The following UNC13C variants were observed in gnomAD, a reference collection of about 807,000 sequenced individuals.
UNC13C encodes the protein unc-13 homolog C, also known as protein unc-13 homolog C.
Under a neutral mutation model 245.4 loss-of-function variants are expected in UNC13C, and 174 were observed. The ratio of observed to expected loss-of-function variants is 0.71; its 90% CI spans 0.63 to 0.80. The LOEUF is 0.80. UNC13C is among the 30% of genes least tolerant of loss of function. The pLI is 0.00. For synonymous variants in UNC13C, 992 were observed against 895.1 expected (o/e 1.11, Z -1.93); for missense variants, 2,829 against 2,602.9 (o/e 1.09, Z -1.89).
the UNC13C span, among the ~76,000 whole-genome samples, chr15:53,846,201 G>T: frequency 6.6e-6 from 1 of 152,102 alleles, no homozygotes; most frequent in African/African-American, 2.4e-5. Context: ...ATTTATTGAG[G>T]CATAACCCCA....
chr15:54,592,781 C>G (rs1898864910), intron 30 of UNC13C, among the ~76,000 whole-genome samples: 1 of 151,092 alleles, frequency 6.6e-6, no homozygotes, highest in Admixed American at 6.6e-5. Flanking sequence ...GCATTTAGGC[C>G]ATTTACATTT....
chr15:54,359,454 G>A (rs948559319), intron 17 of UNC13C, among the ~76,000 whole-genome samples: 9 of 151,878 alleles, frequency 5.9e-5, no homozygotes, highest in African/African-American at 1.2e-4. Context: ...TTTATTAGCC[G>A]TGAAGCCATC....
intron 19 of UNC13C, among the ~76,000 whole-genome samples, chr15:54,487,348 T>C (rs1183299393): frequency 1.3e-5 from 2 of 152,220 alleles, no homozygotes; most frequent in Non-Finnish European, 2.9e-5. Flanking sequence ...TTGCTTTTTT[T>C]CCTGGTATTT....
chr15:53,900,437 C>T, the UNC13C span, among the ~76,000 whole-genome samples: 1 of 152,126 alleles, frequency 6.6e-6, no homozygotes, highest in Non-Finnish European at 1.5e-5. Flanking sequence ...TTTCTTTTAG[C>T]TTTACTAGCC....
Position 54,342,052 on chromosome 15 carries a change from G to A in UNC13C, c.4713+3563G>A, listed in dbSNP as rs117727695. 4.1e-3 allele frequency among the ~76,000 whole-genome samples: 617 copies of A among 152,068 alleles called. 27 individuals are homozygous for A. The East Asian group carries it at 0.088, about 22-fold the overall frequency. On this transcript the variant is annotated intron_variant, in intron 17 of 32. Coordinates refer to ENST00000260323, the MANE Select transcript of UNC13C (RefSeq NM_001080534.3). ...ACTCCTTTTTTGTCCATTGGAGATGGACACTATTCTAATATTGGTGTGTTT... is the reference window on the plus strand; with the variant it reads ...ACTCCTTTTTTGTCCATTGGAGATGAACACTATTCTAATATTGGTGTGTTT...
chr15:54,282,379 T>C (rs753261765), intron 10 of UNC13C, among the ~76,000 whole-genome samples: 9 of 152,150 alleles, frequency 5.9e-5, no homozygotes, highest in Non-Finnish European at 1.2e-4. Context: ...CCTCTCTACT[T>C]GTCCCACTGC....
intron 23 of UNC13C, 101 bp downstream of exon 23, chr15:54,507,295 TAGGA>T (rs1894517198): frequency 1.4e-5 from 11 of 771,196 alleles, no homozygotes; most frequent in Non-Finnish European, 2.3e-5. Context: ...AGTTTTCACA[TAGGA>T]TAATAAGAAA....
At chr15:53,987,751 C>A (rs1236188776) in intron 1 of UNC13C, among the ~76,000 whole-genome samples, 1 of 152,046 alleles carries the variant, frequency 6.6e-6, no homozygotes, top group Non-Finnish European at 1.5e-5. Flanking sequence ...AATCCCAGTG[C>A]ACTGATGTGA....
chr15:53,956,875 A>AGTGTGT, the UNC13C span, among the ~76,000 whole-genome samples: 1,169 of 139,786 alleles, frequency 8.4e-3, 11 homozygotes, highest in South Asian at 0.029. Flanking sequence ...GTTAAGCTCA[A>AGTGTGT]GTGTGTGTGT....
the UNC13C span, among the ~76,000 whole-genome samples, chr15:53,921,995 A>G: frequency 2.0e-5 from 3 of 152,230 alleles, no homozygotes; most frequent in Admixed American, 6.5e-5. Flanking sequence ...TTTCAAAAGT[A>G]TAATATATTG....
intron 30 of UNC13C, among the ~76,000 whole-genome samples, chr15:54,612,389 A>G (rs1851005): frequency 0.78 from 117,738 of 151,918 alleles, 46,455 homozygotes; most frequent in African/African-American, 0.94. Context: ...TTATTTATTT[A>G]TATGACTTCT....
chr15:54,544,518 C>T (rs1160933223), intron 26 of UNC13C, among the ~76,000 whole-genome samples: 1 of 152,210 alleles, frequency 6.6e-6, no homozygotes, highest in South Asian at 2.1e-4. Flanking sequence ...TCTCTGTTTG[C>T]AGATGACATG....
At chr15:54,535,814 A>G (rs1383386020) in intron 26 of UNC13C, among the ~76,000 whole-genome samples, 1 of 152,198 alleles carries the variant, frequency 6.6e-6, no homozygotes, top group East Asian at 1.9e-4. Flanking sequence ...AAGGTATAAC[A>G]TACCAGAATC....
chr15:54,315,389 C>T (rs1316698725), intron 13 of UNC13C, among the ~76,000 whole-genome samples: 1 of 151,486 alleles, frequency 6.6e-6, no homozygotes, highest in Non-Finnish European at 1.5e-5. Context: ...ACTCTTACTG[C>T]ACTTAACAGT....
intron 4 of UNC13C, among the ~76,000 whole-genome samples, chr15:54,203,814 A>C (rs1049573501): frequency 6.9e-6 from 1 of 144,132 alleles, no homozygotes; most frequent in Non-Finnish European, 1.5e-5. Context: ...ATGTCTGTGT[A>C]TATATACGTG....
intron 19 of UNC13C, among the ~76,000 whole-genome samples, chr15:54,477,156 T>C (rs1298852901): frequency 1.7e-5 from 2 of 116,240 alleles, no homozygotes; most frequent in Non-Finnish European, 3.6e-5. Flanking sequence ...GTACATTGAT[T>C]TTGTATCCTG....
intron 2 of UNC13C, among the ~76,000 whole-genome samples, chr15:54,139,203 C>T (rs560530655): frequency 6.6e-6 from 1 of 151,758 alleles, no homozygotes; most frequent in East Asian, 2.0e-4. Flanking sequence ...CATGATCTGC[C>T]CGCCTCAGCC....
intron 26 of UNC13C, among the ~76,000 whole-genome samples, chr15:54,545,434 C>T (rs951384054): frequency 2.6e-5 from 4 of 152,026 alleles, no homozygotes; most frequent in Admixed American, 6.5e-5. Flanking sequence ...CAACAAAAGC[C>T]GAAACTGACA....
At chr15:54,293,705 A>G (rs1197737138) in intron 10 of UNC13C, among the ~76,000 whole-genome samples, 190 bp from the exon 11 acceptor site, 1 of 152,006 alleles carries the variant, frequency 6.6e-6, no homozygotes, top group African/African-American at 2.4e-5. Context: ...CCTTATTAAC[A>G]TTATTTAGCT....
Sources: gnomAD v4.1 joint callset for allele counts (sites outside exome capture counted in the v4.1 genomes callset) on GRCh38, gnomAD v4.1.1 for gene constraint, MANE v1.5 for transcripts, NCBI Gene and HGNC (gene_info 2026-07-23, HGNC 2026-07-21) for gene names.